Variants in SMNDC1 observed in about 807,000 individuals in gnomAD.
The protein encoded by SMNDC1 is survival motor neuron domain containing 1.
Under a neutral mutation model 29.2 loss-of-function variants are expected in SMNDC1, and 5 were observed. The observed-to-expected ratio is 0.17, with a 90% CI of 0.09 to 0.36. The LOEUF is 0.36. SMNDC1 is among the 10% of genes least tolerant of loss of function. The pLI, the probability that SMNDC1 is intolerant of heterozygous loss-of-function variation, is 1.00. For missense variants in SMNDC1, 142 were observed against 268.5 expected (o/e 0.53, Z 3.29); for synonymous variants, 80 against 89.9 (o/e 0.89, Z 0.62).
chr10:110,300,519 G>C, intron 2 of SMNDC1: 6 of 969,722 alleles, frequency 6.2e-6, no homozygotes, highest in Non-Finnish European at 6.1e-6. Context: ...ACTATTTTAT[G>C]TATGAGGGGG....
chr10:110,301,917 G>A (rs1390184387), intron 2 of SMNDC1, among the ~76,000 whole-genome samples: 1 of 152,114 alleles, frequency 6.6e-6, no homozygotes, highest in East Asian at 1.9e-4. Context: ...AATTATTCTA[G>A]AAATATTAAA....
intron 2 of SMNDC1, among the ~76,000 whole-genome samples, chr10:110,299,336 T>C (rs575834291): frequency 1.3e-5 from 2 of 152,330 alleles, no homozygotes; most frequent in Non-Finnish European, 2.9e-5. Flanking sequence ...TATTCAATTA[T>C]TGTAAAACTC....
rs1857514612 is a variant in SMNDC1 at position 110,292,859 on chromosome 10, A to G, written c.*1291T>C. 2 of 152,166 alleles carry G rather than the reference A, an allele frequency of 1.3e-5. No homozygotes were observed. Among genetic ancestry groups the G allele is most frequent in the Admixed American group, 6.5e-5 (1 of 15,276 alleles). 9.4% of individuals were successfully genotyped at this position (152,166 alleles called of 1,614,324 possible). A position where few individuals can be genotyped will look rare whatever the true frequency, so the allele number is the denominator to read the frequency against. On this transcript the variant is annotated 3_prime_UTR_variant, in exon 6 of 6. Coordinates refer to ENST00000369603, the MANE Select transcript of SMNDC1 (RefSeq NM_005871.4). ...CCCATTAAAATGAGGACATCCTATA[A>G]ACACAGGCCTGGTTTGCCCTTTAAG...
intron 3 of SMNDC1, 36 bp downstream of exon 3, chr10:110,298,612 T>G (rs1857600991): frequency 1.3e-6 from 2 of 1,548,466 alleles, no homozygotes; most frequent in African/African-American, 2.8e-5. Flanking sequence ...TTTTATTATT[T>G]CATGTTATAG....
At chr10:110,304,235 A>G (rs1406491914) in intron 1 of SMNDC1, 1 of 152,242 alleles carries the variant, frequency 6.6e-6, no homozygotes, top group Admixed American at 6.5e-5. Context: ...AAAATAAGAT[A>G]CCAATTAACC....
At chr10:110,296,134 T>A (rs1174680625) in intron 4 of SMNDC1, among the ~76,000 whole-genome samples, 1 of 152,218 alleles carries the variant, frequency 6.6e-6, no homozygotes, top group African/African-American at 2.4e-5. Context: ...ATTGGAAGAA[T>A]GCAGCAGCAC....
intron 5 of SMNDC1, 54 bp from the exon 6 acceptor site, chr10:110,294,341 A>T (rs1212806804): frequency 1.4e-6 from 2 of 1,445,444 alleles, no homozygotes; most frequent in African/African-American, 2.9e-5. Context: ...AAAATAAAAA[A>T]TTTCAAATTT....
intron 4 of SMNDC1, among the ~76,000 whole-genome samples, chr10:110,297,119 A>T (rs1341541155): frequency 6.6e-6 from 1 of 152,210 alleles, no homozygotes; most frequent in Non-Finnish European, 1.5e-5. Flanking sequence ...TTCTCAAAGA[A>T]ATCTGCCCTA....
rs373707852 is a variant in SMNDC1, at chr10:110,297,732, T to G, written c.264-4A>C. ...CTCAATCTCCGCTTCATAACACCTG[T>G]AAAGATATCATGGCTGTAAGCAGGT... On this transcript the variant is annotated splice_region_variant and splice_polypyrimidine_tract_variant and intron_variant, in intron 3 of 5. Transcript: ENST00000369603. 1 of 1,613,068 alleles carries G rather than the reference T, an allele frequency of 6.2e-7. No individual in the cohort carries two copies. Among genetic ancestry groups the G allele is most frequent in the Non-Finnish European group, 8.5e-7 (1 of 1,179,482 alleles).
intron 1 of SMNDC1, 62 bp from the exon 2 acceptor site, chr10:110,303,649 T>C: frequency 6.6e-7 from 1 of 1,510,706 alleles, no homozygotes; most frequent in East Asian, 2.5e-5. Context: ...CATAAAAAAC[T>C]AACTCCCCTG....
At chr10:110,297,023 A>G (rs1264047801) in intron 4 of SMNDC1, among the ~76,000 whole-genome samples, 1 of 152,244 alleles carries the variant, frequency 6.6e-6, no homozygotes, top group Non-Finnish European at 1.5e-5. Flanking sequence ...TTAATAACAA[A>G]GAATTCAAGC....
chr10:110,303,171 A>G (rs749374512), intron 2 of SMNDC1, among the ~76,000 whole-genome samples: 1 of 152,236 alleles, frequency 6.6e-6, no homozygotes. Flanking sequence ...TTCATTGTGA[A>G]GTTACATGTA....
chr10:110,299,114 TGA>T (rs1857609587), intron 2 of SMNDC1, among the ~76,000 whole-genome samples: 1 of 152,198 alleles, frequency 6.6e-6, no homozygotes, highest in Non-Finnish European at 1.5e-5. Context: ...TCTCTAAAGA[TGA>T]GAAAGTCAAG....
chr10:110,303,872 G>A (rs530460488), intron 1 of SMNDC1: 30 of 311,354 alleles, frequency 9.6e-5, no homozygotes, highest in South Asian at 2.2e-4. Flanking sequence ...CTATCCACAG[G>A]GTAGGTGCTG....
At position 110,294,237 on chromosome 10, in the gene SMNDC1, T is replaced by A; in HGVS notation, c.630A>T (p.Gly210=). 2 of 1,608,664 alleles carry A rather than the reference T, an allele frequency of 1.2e-6. No individual in the cohort carries two copies. Among genetic ancestry groups the A allele is most frequent in the Middle Eastern group, 3.3e-4 (2 of 6,042 alleles). ...TATCAGCAATTCCACAGGTTCCTAC[T>A]CCAACTTTACCAGTCACACTCTCAG... ...ASPESVTGKV[G]VGTCGIADKP... The change falls in exon 6 of 6, where the codon GGA becomes GGT. Residue 210 remains glycine, a synonymous_variant. Transcript: ENST00000369603.
At position 110,292,284 on chromosome 10, in the gene SMNDC1, A is replaced by T. The variant is rs562864209; in HGVS notation, c.*1866T>A. 1.3e-5 allele frequency: 2 copies of T among 151,216 alleles called. No individual in the cohort carries two copies. Among genetic ancestry groups the T allele is most frequent in the Non-Finnish European group, 3.0e-5 (2 of 67,750 alleles). The allele number at this position is 151,216 out of a possible 1,614,324, so 9.4% of individuals were successfully genotyped here. A position where few individuals can be genotyped will look rare whatever the true frequency, so the allele number is the denominator to read the frequency against. On this transcript the variant is annotated 3_prime_UTR_variant, in exon 6 of 6. Transcript: ENST00000369603. ...CATTCTAAAGGTCTATTTTCAAAAC[A>T]TTTTTTTTTAAGGTCACTTTTATTC... is the stretch of plus-strand genomic sequence containing the variant.
chr10:110,299,999 A>T (rs918940940), intron 2 of SMNDC1, among the ~76,000 whole-genome samples: 1 of 152,238 alleles, frequency 6.6e-6, no homozygotes, highest in African/African-American at 2.4e-5. Flanking sequence ...GATCTTTTTA[A>T]TTAGACAGTC....
Position 110,293,089 on chromosome 10 carries a change from G to A in SMNDC1, c.*1061C>T, listed in dbSNP as rs544417421. ...TAATAAAAGTTAAACATACAAAACTGAAATAATACACATCCTAAAAATTAC... is the reference window on the plus strand; with the variant it reads ...TAATAAAAGTTAAACATACAAAACTAAAATAATACACATCCTAAAAATTAC... On this transcript the variant is annotated 3_prime_UTR_variant, in exon 6 of 6. Transcript: ENST00000369603. 7 of 152,452 alleles carry A rather than the reference G, an allele frequency of 4.6e-5. No individual in the cohort carries two copies. Among genetic ancestry groups the A allele is most frequent in the African/African-American group, 1.7e-4 (7 of 41,554 alleles). The allele number at this position is 152,452 out of a possible 1,614,324, so 9.4% of individuals were successfully genotyped here. A position where few individuals can be genotyped will look rare whatever the true frequency, so the allele number is the denominator to read the frequency against.
chr10:110,303,158 T>G (rs1411225482), intron 2 of SMNDC1, among the ~76,000 whole-genome samples: 1 of 152,196 alleles, frequency 6.6e-6, no homozygotes, highest in Non-Finnish European at 1.5e-5. Context: ...ACTAAAAGCG[T>G]TTTTCATTGT....
Sources: gnomAD v4.1 joint callset for allele counts (sites outside exome capture counted in the v4.1 genomes callset) on GRCh38, gnomAD v4.1.1 for gene constraint, MANE v1.5 for transcripts, NCBI Gene and HGNC (gene_info 2026-07-23, HGNC 2026-07-21) for gene names.